The following COL5A2 variants were observed in gnomAD, a reference collection of about 807,000 sequenced individuals.
COL5A2 encodes collagen alpha-2(V) chain.
Under a neutral mutation model 208.2 loss-of-function variants are expected in COL5A2, and 23 were observed. That is an observed-to-expected ratio of 0.11 (90% CI 0.08 to 0.16). The LOEUF (loss-of-function observed/expected upper bound fraction) is 0.16. COL5A2 is among the 10% of genes least tolerant of loss of function. The pLI is 1.00. For missense variants in COL5A2, 1,590 were observed against 1,956.4 expected, an observed-to-expected ratio of 0.81 and a Z score of 3.53; for synonymous variants, 625 against 628.5, an observed-to-expected ratio of 0.99 and a Z score of 0.08.
chr2:189,389,094 C>A, the COL5A2 span, among the ~76,000 whole-genome samples: 1 of 151,986 alleles, frequency 6.6e-6, no homozygotes, highest in East Asian at 1.9e-4. Context: ...TTTTTGATAG[C>A]CAATTTTATT....
intron 31 of COL5A2, 118 bp from the exon 32 acceptor site, chr2:189,059,011 G>C: frequency 2.8e-6 from 2 of 721,160 alleles, no homozygotes; most frequent in South Asian, 3.5e-5. Flanking sequence ...GGCTGCATAA[G>C]CCAACAATTT....
the COL5A2 span, among the ~76,000 whole-genome samples, chr2:189,429,820 T>C: frequency 2.0e-5 from 3 of 152,242 alleles, no homozygotes; most frequent in African/African-American, 7.2e-5. Flanking sequence ...GGGACATTTA[T>C]AACTCCTTCT....
chr2:189,256,595 G>C, the COL5A2 span, among the ~76,000 whole-genome samples: 4 of 152,112 alleles, frequency 2.6e-5, no homozygotes, highest in African/African-American at 9.7e-5. Flanking sequence ...TAATTCAAAA[G>C]TTTATATTTA....
At chr2:189,047,115 T>A (rs890999944) in intron 45 of COL5A2, among the ~76,000 whole-genome samples, 1 of 144,986 alleles carries the variant, frequency 6.9e-6, no homozygotes, top group African/African-American at 2.6e-5. Flanking sequence ...AGCAAGACTC[T>A]GTCTCAAAAA....
At chr2:189,348,671 C>G in the COL5A2 span, among the ~76,000 whole-genome samples, 2 of 152,146 alleles carry the variant, frequency 1.3e-5, no homozygotes, top group East Asian at 3.9e-4. Context: ...TGGGATGCAA[C>G]TCATTTCCCT....
chr2:189,115,468 G>A (rs556382980), intron 1 of COL5A2, among the ~76,000 whole-genome samples: 14 of 151,128 alleles, frequency 9.3e-5, no homozygotes, highest in South Asian at 6.3e-4. Flanking sequence ...CAAGAGAGAC[G>A]ACTGTATTTG....
At chr2:189,059,831 T>A (rs1263930126) in intron 31 of COL5A2, among the ~76,000 whole-genome samples, 1 of 151,848 alleles carries the variant, frequency 6.6e-6, no homozygotes, top group East Asian at 1.9e-4. Flanking sequence ...GTGATTCACC[T>A]GCCTCAGTCT....
the COL5A2 span, among the ~76,000 whole-genome samples, chr2:189,371,823 C>G: frequency 6.6e-6 from 1 of 152,030 alleles, no homozygotes; most frequent in African/African-American, 2.4e-5. Context: ...GGCTATGTGG[C>G]AGAAAAATAA....
In COL5A2 at chr2:189,154,613, T is replaced by C. The variant is rs186368077; in HGVS notation, c.97+24895A>G. ...CCACCTGCAGAATCAATGGCCTCTGTGGCCGTCAAAATGAACCATAATTTT... is the reference window on the plus strand; with the variant it reads ...CCACCTGCAGAATCAATGGCCTCTGCGGCCGTCAAAATGAACCATAATTTT... On this transcript the variant is annotated intron_variant, in intron 1 of 53. Transcript: ENST00000374866. Among the ~76,000 whole-genome samples, 605 of 152,312 alleles carry C rather than the reference T, an allele frequency of 4.0e-3. 6 individuals are homozygous for C. Among genetic ancestry groups the C allele is most frequent in the Non-Finnish European group, 3.0e-3 (205 of 68,026 alleles).
intron 1 of COL5A2, among the ~76,000 whole-genome samples, chr2:189,199,511 ACC>A (rs1689045548): frequency 1.3e-5 from 2 of 152,192 alleles, no homozygotes; most frequent in Admixed American, 1.3e-4. Context: ...GCATGGTCAC[ACC>A]CACTACAAGC....
chr2:189,188,530 G>T (rs1688882690), intron 1 of COL5A2, among the ~76,000 whole-genome samples: 2 of 152,138 alleles, frequency 1.3e-5, no homozygotes, highest in Non-Finnish European at 2.9e-5. Flanking sequence ...ATGATTGTTT[G>T]TATTGGAATA....
At chr2:189,207,914 G>A (rs1689161390) in intron 1 of COL5A2, among the ~76,000 whole-genome samples, 2 of 151,878 alleles carry the variant, frequency 1.3e-5, no homozygotes. Flanking sequence ...TGCCATTTGG[G>A]GTCATCCGCT....
chr2:189,321,263 G>A, the COL5A2 span, among the ~76,000 whole-genome samples: 488 of 152,232 alleles, frequency 3.2e-3, no homozygotes, highest in African/African-American at 0.011. Flanking sequence ...ATCAACTAAC[G>A]AGTAAAATAA....
chr2:189,071,973 A>G, intron 18 of COL5A2, 67 bp downstream of exon 18: 1 of 1,059,884 alleles, frequency 9.4e-7, no homozygotes, highest in Non-Finnish European at 1.4e-6. Flanking sequence ...ATTAAATGTC[A>G]TTCTTCACTT....
the COL5A2 span, among the ~76,000 whole-genome samples, chr2:189,345,535 A>C: frequency 3.9e-5 from 6 of 152,192 alleles, no homozygotes; most frequent in African/African-American, 1.2e-4. Flanking sequence ...GGATATGAGA[A>C]ATAGCAGTAG....
At chr2:189,168,207 G>T (rs1688506534) in intron 1 of COL5A2, among the ~76,000 whole-genome samples, 1 of 150,570 alleles carries the variant, frequency 6.6e-6, no homozygotes, top group Admixed American at 6.6e-5. Context: ...CCAAAGTGCT[G>T]GGATTATAGG....
intron 8 of COL5A2, among the ~76,000 whole-genome samples, chr2:189,087,934 A>G (rs1312071624): frequency 6.6e-6 from 1 of 152,202 alleles, no homozygotes; most frequent in Non-Finnish European, 1.5e-5. Context: ...AAATGATGCC[A>G]TATTACTAGT....
Position 189,064,050 on chromosome 2 carries a change from AACTGTCAGTTTGTT to A in COL5A2, c.1717-31_1717-18del, listed in dbSNP as rs770807843. 9.3e-6 allele frequency: 15 copies of A among 1,611,630 alleles called. No individual in the cohort carries two copies. Among genetic ancestry groups the A allele is most frequent in the Non-Finnish European group, 7.6e-6 (9 of 1,178,506 alleles). ...TGTCAAACCCTGAAAATAAAAAACC[AACTGTCAGTTTGTT>A]GCTGATATGCAGTTGAAGTAAAGAT... is the stretch of plus-strand genomic sequence containing the variant. On this transcript the variant is annotated intron_variant, in intron 25 of 53. Coordinates refer to ENST00000374866, the MANE Select transcript of COL5A2 (RefSeq NM_000393.5).
At chr2:189,300,498 A>C in the COL5A2 span, among the ~76,000 whole-genome samples, 1 of 152,236 alleles carries the variant, frequency 6.6e-6, no homozygotes, top group African/African-American at 2.4e-5. Flanking sequence ...TAGGACAGCA[A>C]GAAAGGAAGA....
Sources: allele counts gnomAD v4.1 joint callset (sites outside exome capture counted in the v4.1 genomes callset), GRCh38; gene constraint gnomAD v4.1.1; transcripts MANE v1.5; gene names NCBI Gene and HGNC (gene_info 2026-07-23, HGNC 2026-07-21).